SYN3: variants seen among roughly 807,000 people sequenced by gnomAD.
SYN3 encodes the protein synapsin III.
In SYN3, 35 loss-of-function variants were observed where a neutral mutation model predicts 65.8. The observed-to-expected ratio is 0.53, with a 90% CI of 0.41 to 0.70. The LOEUF is 0.70. Ranked by LOEUF, SYN3 falls within the 30% of genes least tolerant of loss-of-function variation. SYN3 has a pLI of 0.00. For missense variants in SYN3, 680 were observed against 749.0 expected (o/e 0.91, Z 1.08); for synonymous variants, 270 against 292.9 (o/e 0.92, Z 0.80).
intron 6 of SYN3, among the ~76,000 whole-genome samples, chr22:32,749,512 G>A (rs1274662409): frequency 6.6e-6 from 1 of 151,992 alleles, no homozygotes; most frequent in South Asian, 2.1e-4. Flanking sequence ...ACGATGATGG[G>A]TGCCTGTAAT....
chr22:32,789,253 C>T (rs2046266062), intron 6 of SYN3, among the ~76,000 whole-genome samples: 2 of 152,206 alleles, frequency 1.3e-5, no homozygotes, highest in South Asian at 4.1e-4. Flanking sequence ...TCACTGCCTC[C>T]CAGGCCTAGA....
At chr22:32,798,894 T>C (rs2046495174) in intron 6 of SYN3, among the ~76,000 whole-genome samples, 1 of 151,992 alleles carries the variant, frequency 6.6e-6, no homozygotes, top group Non-Finnish European at 1.5e-5. Flanking sequence ...GGTTTCACCA[T>C]GTTAGCCAGG....
intron 6 of SYN3, among the ~76,000 whole-genome samples, chr22:32,822,269 T>A (rs2047271800): frequency 6.6e-6 from 1 of 152,206 alleles, no homozygotes; most frequent in African/African-American, 2.4e-5. Context: ...TCTGGGTATG[T>A]TCACAGGGTA....
intron 2 of SYN3, among the ~76,000 whole-genome samples, chr22:33,000,705 C>G (rs1350759371): frequency 6.6e-6 from 1 of 152,202 alleles, no homozygotes; most frequent in Non-Finnish European, 1.5e-5. Flanking sequence ...CTCCTCTCCC[C>G]TTCATTATCA....
chr22:32,906,153 G>A (rs148144054), intron 4 of SYN3, among the ~76,000 whole-genome samples: 1 of 152,294 alleles, frequency 6.6e-6, no homozygotes, highest in African/African-American at 2.4e-5. Context: ...TCTCAGGAAG[G>A]CGCACGACCT....
chr22:32,804,936 C>T (rs1412592505), intron 6 of SYN3, among the ~76,000 whole-genome samples: 1 of 152,148 alleles, frequency 6.6e-6, no homozygotes, highest in Admixed American at 6.5e-5. Flanking sequence ...AAGAAGGCGG[C>T]CTCGGCCCGG....
chr22:33,055,232 T>A (rs965630451), intron 1 of SYN3, among the ~76,000 whole-genome samples: 1 of 152,244 alleles, frequency 6.6e-6, no homozygotes, highest in Non-Finnish European at 1.5e-5. Flanking sequence ...AATCCTTCAA[T>A]GATTCGTTTG....
intron 6 of SYN3, among the ~76,000 whole-genome samples, chr22:32,744,843 C>T (rs992227462): frequency 2.0e-5 from 3 of 152,100 alleles, no homozygotes; most frequent in African/African-American, 4.8e-5. Flanking sequence ...AGAGGGCAGA[C>T]CCAGGCAGAA....
At chr22:32,723,323 C>A (rs1201239492) in intron 6 of SYN3, among the ~76,000 whole-genome samples, 1 of 152,164 alleles carries the variant, frequency 6.6e-6, no homozygotes, top group African/African-American at 2.4e-5. Flanking sequence ...GTGTTCACTT[C>A]AGAGGATCAA....
At chr22:32,943,069 A>G (rs987309656) in intron 3 of SYN3, among the ~76,000 whole-genome samples, 1 of 152,238 alleles carries the variant, frequency 6.6e-6, no homozygotes. Flanking sequence ...AGGCAGGCCA[A>G]CATTCAAATT....
chr22:32,557,888 CTTG>C lies in SYN3; in HGVS notation c.775-16178_775-16176del, dbSNP rs778985181. 6.6e-4 allele frequency among the ~76,000 whole-genome samples: 100 copies of C among 152,306 alleles called. 1 individual carries two copies. Among genetic ancestry groups the C allele is most frequent in the Non-Finnish European group, 7.3e-4 (50 of 68,028 alleles). Reference sequence around the variant, plus strand: ...TCTCCATTGTTCTGTGCCTGGCTGGCTTGTTGTCACTTTTCATATGTTTTGTGT... The same window carrying C: ...TCTCCATTGTTCTGTGCCTGGCTGGCTTGTCACTTTTCATATGTTTTGTGT... On this transcript the variant is annotated intron_variant, in intron 7 of 13. Transcript: ENST00000358763.
chr22:32,953,653 G>A (rs920895939), intron 3 of SYN3, among the ~76,000 whole-genome samples: 24 of 152,232 alleles, frequency 1.6e-4, no homozygotes, highest in African/African-American at 5.3e-4. Flanking sequence ...TAGTAAGGTG[G>A]TCAGGAAAGA....
intron 6 of SYN3, among the ~76,000 whole-genome samples, chr22:32,649,165 T>C (rs577599789): frequency 6.6e-6 from 1 of 152,334 alleles, no homozygotes; most frequent in South Asian, 2.1e-4. Flanking sequence ...AATGGGCTGG[T>C]AGCAAACGTG....
chr22:32,931,277 G>A, intron 4 of SYN3, 113 bp downstream of exon 4: 1 of 714,394 alleles, frequency 1.4e-6, no homozygotes, highest in South Asian at 1.6e-5. Flanking sequence ...TTCTGTACAG[G>A]AAAGTACATG....
intron 6 of SYN3, among the ~76,000 whole-genome samples, chr22:32,810,624 ATCCC>A (rs1294720248): frequency 6.0e-4 from 91 of 152,316 alleles, no homozygotes; most frequent in African/African-American, 2.1e-3. Flanking sequence ...CATGGTAATT[ATCCC>A]CTCTGCCTCT....
At chr22:32,802,543 C>T (rs866235060) in intron 6 of SYN3, among the ~76,000 whole-genome samples, 1 of 151,694 alleles carries the variant, frequency 6.6e-6, no homozygotes, top group Admixed American at 6.6e-5. Flanking sequence ...CCGCCATGTG[C>T]ACGGAAAGTT....
Position 33,009,661 on chromosome 22 carries a change from G to GA in SYN3, c.-162-2838dup, listed in dbSNP as rs201252985. ...ATTTGAGATAAAAGCATCCCAATAA[G>GA]AAAAAAAAATTATACTATAGGATGA... On this transcript the variant is annotated intron_variant, in intron 1 of 13. Coordinates refer to ENST00000358763, the MANE Select transcript of SYN3 (RefSeq NM_003490.4). 3.2e-3 allele frequency among the ~76,000 whole-genome samples: 473 copies of GA among 146,420 alleles called. 1 individual carries two copies. Among genetic ancestry groups the GA allele is most frequent in the African/African-American group, 0.011 (449 of 39,760 alleles).
chr22:33,015,663 C>A (rs1013403679), intron 1 of SYN3, among the ~76,000 whole-genome samples: 5 of 152,092 alleles, frequency 3.3e-5, no homozygotes, highest in African/African-American at 1.2e-4. Context: ...AGTTTTTATA[C>A]AAAGATAGCA....
chr22:32,560,778 G>C (rs1006393246), intron 7 of SYN3, among the ~76,000 whole-genome samples: 2 of 152,316 alleles, frequency 1.3e-5, no homozygotes, highest in South Asian at 2.1e-4. Flanking sequence ...GGCTTGAAAG[G>C]TTCGCTTTGT....
Sources: allele counts gnomAD v4.1 joint callset (sites outside exome capture counted in the v4.1 genomes callset), GRCh38; gene constraint gnomAD v4.1.1; transcripts MANE v1.5; gene names NCBI Gene and HGNC (gene_info 2026-07-23, HGNC 2026-07-21).